Variants in SOBP observed in about 807,000 individuals in gnomAD.
SOBP encodes the protein sine oculis binding protein homolog.
In SOBP, 4 loss-of-function variants were observed where a neutral mutation model predicts 53.6. That is an observed-to-expected ratio of 0.07 (90% CI 0.04 to 0.17). The LOEUF is 0.17. Ranked by LOEUF, SOBP falls within the 10% of genes least tolerant of loss-of-function variation. The pLI is 1.00. For missense variants in SOBP, 1,088 were observed against 1,204.7 expected (o/e 0.90, Z 1.43); for synonymous variants, 584 against 522.6 (o/e 1.12, Z -1.60).
chr6:107,524,582 C>G (rs1226378535), intron 3 of SOBP, among the ~76,000 whole-genome samples: 2 of 152,166 alleles, frequency 1.3e-5, no homozygotes, highest in Non-Finnish European at 2.9e-5. Context: ...ATGCAAGTAA[C>G]AGACACCATG....
At chr6:107,529,920 A>G (rs1396864655) in intron 3 of SOBP, among the ~76,000 whole-genome samples, 1 of 152,198 alleles carries the variant, frequency 6.6e-6, no homozygotes, top group African/African-American at 2.4e-5. Flanking sequence ...TTTCATGATT[A>G]ATTGAAATAT....
At position 107,634,816 on chromosome 6, in the gene SOBP, G is replaced by C. The variant is rs1239955080; in HGVS notation, c.1972G>C (p.Val658Leu). ...GCAGGACGGCGTCATCGACCTGACC[G>C]TGGGCCACCGAGCCCGGCTGCACAA... is the stretch of plus-strand genomic sequence containing the variant. ...GPQDGVIDLT[V>L]GHRARLHNVI... is the part of the protein sequence containing the mutation. The change falls in exon 6 of 7, where the codon GTG becomes CTG. Residue 658 changes from valine to leucine, a missense_variant. Physicochemically the swap from Val to Leu is conservative, Grantham distance 32. Around this residue, in one of 6 missense-constraint regions of SOBP, gnomAD observed 665 missense variants for 629.7 expected, o/e 1.06. Coordinates refer to ENST00000317357, the MANE Select transcript of SOBP (RefSeq NM_018013.4). This position sits in a 1 kb window ranked among gnomAD's most constrained non-coding sequence, Gnocchi z 4.5. 7.1e-7 allele frequency: 1 copy of C among 1,408,726 alleles called. No individual in the cohort carries two copies. Among genetic ancestry groups the C allele is most frequent in the Admixed American group, 2.5e-5 (1 of 39,952 alleles). 87.3% of individuals were successfully genotyped at this position (1,408,726 alleles called of 1,614,324 possible).
intron 5 of SOBP, among the ~76,000 whole-genome samples, chr6:107,623,219 T>C (rs1457373963): frequency 6.6e-6 from 1 of 152,152 alleles, no homozygotes; most frequent in Non-Finnish European, 1.5e-5. Flanking sequence ...TATTTGGGGC[T>C]TTGTGTAAAG....
rs1772212400 is a variant in SOBP, at chr6:107,659,624, C to A, written c.*1421C>A. ...TGTTCCCTCTGGAGGGGTCCAGGTG[C>A]CCCCGCCCCACAAGGCCGCGGAGCC... On this transcript the variant is annotated 3_prime_UTR_variant, in exon 7 of 7. Transcript: ENST00000317357. The A allele has an allele frequency of 6.6e-6, 1 of 152,438 alleles. No homozygotes were observed. The highest frequency in any genetic ancestry group is 1.5e-5 in the Non-Finnish European group (1 of 68,058). The allele number at this position is 152,438 out of a possible 1,614,324, so 9.4% of individuals were successfully genotyped here. A position where few individuals can be genotyped will look rare whatever the true frequency, so the allele number is the denominator to read the frequency against.
At chr6:107,582,665 T>C (rs1785439515) in intron 4 of SOBP, among the ~76,000 whole-genome samples, 1 of 152,220 alleles carries the variant, frequency 6.6e-6, no homozygotes, top group South Asian at 2.1e-4. Context: ...TGCTTTTCCC[T>C]GTAGTTGGCA....
chr6:107,622,839 T>C lies in SOBP; in HGVS notation c.670-10675T>C, dbSNP rs193178669. The stretch of plus-strand genomic sequence containing the variant: ...TAGTATAAAATATGGAGCAGACATT[T>C]AAAAAATACATTAATTAGCAAAGAA... On this transcript the variant is annotated intron_variant, in intron 5 of 6. Transcript: ENST00000317357. 1.9e-3 allele frequency among the ~76,000 whole-genome samples: 285 copies of C among 152,346 alleles called. 1 individual carries two copies. The highest frequency in any genetic ancestry group is 6.3e-3 in the African/African-American group (264 of 41,582).
At chr6:107,578,009 G>C (rs1785286068) in intron 4 of SOBP, among the ~76,000 whole-genome samples, 1 of 148,550 alleles carries the variant, frequency 6.7e-6, no homozygotes, top group Non-Finnish European at 1.5e-5. Flanking sequence ...GGGAGGCGAA[G>C]CTTGCAGTGA....
At chr6:107,644,074 G>A (rs1425827176) in intron 6 of SOBP, among the ~76,000 whole-genome samples, 1 of 152,192 alleles carries the variant, frequency 6.6e-6, no homozygotes, top group Admixed American at 6.5e-5. Context: ...GGCCAAGGCG[G>A]GTGGATCAGA....
chr6:107,500,920 A>G (rs1782829981), intron 1 of SOBP, among the ~76,000 whole-genome samples: 1 of 152,192 alleles, frequency 6.6e-6, no homozygotes, highest in African/African-American at 2.4e-5. Flanking sequence ...TAGCTGTACT[A>G]CAAAAAATTT....
At chr6:107,552,245 T>G (rs887478467) in intron 4 of SOBP, among the ~76,000 whole-genome samples, 2 of 152,222 alleles carry the variant, frequency 1.3e-5, no homozygotes, top group Non-Finnish European at 1.5e-5. Context: ...TGGGCTCTCT[T>G]AGCAGAGTTA....
intron 1 of SOBP, among the ~76,000 whole-genome samples, chr6:107,499,932 A>ATG (rs1056478267): frequency 4.6e-5 from 7 of 152,188 alleles, no homozygotes; most frequent in African/African-American, 1.7e-4. Context: ...TATGAAACAC[A>ATG]TGTATATATA....
At chr6:107,616,084 T>TGGGGGGGGGGGGGGGGG (rs576223347) in intron 5 of SOBP, among the ~76,000 whole-genome samples, 1 of 62,566 alleles carries the variant, frequency 1.6e-5, no homozygotes, top group Non-Finnish European at 3.4e-5. Flanking sequence ...GGAAGGGGGG[T>TGGGGGGGGGGGGGGGGG]GGGGGGGGGG....
intron 1 of SOBP, among the ~76,000 whole-genome samples, chr6:107,496,989 C>G (rs893039626): frequency 6.6e-6 from 1 of 152,180 alleles, no homozygotes; most frequent in African/African-American, 2.4e-5. Flanking sequence ...GAGAGTAGAG[C>G]TAGAAACTGA....
At position 107,598,722 on chromosome 6, in the gene SOBP, G is replaced by A. The variant is rs1583255105; in HGVS notation, c.669+11547G>A. Among the ~76,000 whole-genome samples the A allele has an allele frequency of 2.6e-5, 4 of 152,298 alleles. 1 individual carries two copies. On this transcript the variant is annotated intron_variant, in intron 5 of 6. Coordinates refer to ENST00000317357, the MANE Select transcript of SOBP (RefSeq NM_018013.4). ...CTAGAAGGCGGTTAGAACAGTCCAG[G>A]CACCCTGTGATGAGGACAAAGACTT...
intron 1 of SOBP, among the ~76,000 whole-genome samples, chr6:107,495,823 C>T (rs1324431082): frequency 6.6e-6 from 1 of 152,080 alleles, no homozygotes; most frequent in Non-Finnish European, 1.5e-5. Context: ...TTTACTGACT[C>T]TTTATACTTA....
chr6:107,544,892 G>A (rs1562602891), intron 4 of SOBP, among the ~76,000 whole-genome samples: 1 of 152,096 alleles, frequency 6.6e-6, no homozygotes, highest in African/African-American at 2.4e-5. Context: ...CTGACTTTTC[G>A]ATCAGCTTCA....
intron 4 of SOBP, among the ~76,000 whole-genome samples, chr6:107,549,661 T>C (rs973194389): frequency 5.9e-5 from 9 of 152,152 alleles, no homozygotes; most frequent in Admixed American, 5.9e-4. Context: ...ACTTAGTAAG[T>C]ATCAGTTAAT....
intron 5 of SOBP, among the ~76,000 whole-genome samples, chr6:107,614,053 G>A (rs1229688337): frequency 1.3e-5 from 2 of 152,220 alleles, no homozygotes; most frequent in African/African-American, 2.4e-5. Context: ...TGAAATGGAA[G>A]TGTAAGGCAG....
chr6:107,629,413 A>G (rs1721125291), intron 5 of SOBP, among the ~76,000 whole-genome samples: 1 of 152,130 alleles, frequency 6.6e-6, no homozygotes, highest in African/African-American at 2.4e-5. Flanking sequence ...TGAATGTGTT[A>G]ATTAGGAACC....
Sources: gnomAD v4.1 joint callset for allele counts (sites outside exome capture counted in the v4.1 genomes callset) on GRCh38, gnomAD v4.1.1 for gene constraint, gnomAD v4.1.1 regional missense constraint, Gnocchi (gnomAD v3.1) non-coding constraint, MANE v1.5 for transcripts, NCBI Gene and HGNC (gene_info 2026-07-23, HGNC 2026-07-21) for gene names.